Variants in RNF150 observed in about 807,000 individuals in gnomAD.
RNF150 encodes ring finger protein 150.
A neutral mutation model predicts 39.3 loss-of-function variants in RNF150; 24 were observed. That is an observed-to-expected ratio of 0.61 (90% CI 0.44 to 0.86). The LOEUF is 0.86. RNF150 is among the 40% of genes least tolerant of loss of function. The probability of loss-of-function intolerance (pLI) is 0.00; values close to 1 mark genes in which losing one functional copy is unlikely to be tolerated. For synonymous variants in RNF150, 255 were observed against 227.3 expected (o/e 1.12, Z -1.10); for missense variants, 502 against 587.8 (o/e 0.85, Z 1.51).
At chr4:140,920,397 C>G (rs1163446493) in intron 5 of RNF150, among the ~76,000 whole-genome samples, 1 of 147,514 alleles carries the variant, frequency 6.8e-6, no homozygotes, top group Non-Finnish European at 1.5e-5. Context: ...AGACACTTCT[C>G]AAAAGAGACA....
At chr4:140,989,987 T>TAA (rs57002537) in intron 1 of RNF150, among the ~76,000 whole-genome samples, 2 of 148,568 alleles carry the variant, frequency 1.3e-5, no homozygotes, top group African/African-American at 4.9e-5. Flanking sequence ...TAACCAAAAT[T>TAA]AAAAAAAAAA....
chr4:140,984,253 G>C (rs1373557129), intron 1 of RNF150, among the ~76,000 whole-genome samples: 1 of 152,074 alleles, frequency 6.6e-6, no homozygotes, highest in Non-Finnish European at 1.5e-5. Context: ...ATAAAAAATG[G>C]GCCTCTTAAG....
chr4:141,114,224 G>A (rs370154530), intron 1 of RNF150, among the ~76,000 whole-genome samples: 1 of 152,030 alleles, frequency 6.6e-6, no homozygotes, highest in Non-Finnish European at 1.5e-5. Flanking sequence ...TCCAGGAGCT[G>A]GTTTTTTGAA....
Position 141,092,676 on chromosome 4 carries a change from T to C in RNF150, c.484+39649A>G, listed in dbSNP as rs550176140. Among the ~76,000 whole-genome samples, 267 of 152,160 alleles carry C rather than the reference T, an allele frequency of 1.8e-3. 1 individual carries two copies. The highest frequency in any genetic ancestry group is 3.0e-3 in the Non-Finnish European group (205 of 68,018). On this transcript the variant is annotated intron_variant, in intron 1 of 6. Transcript: ENST00000515673. Reference sequence around the variant, plus strand: ...AGGATATAAAGTGAGTAAATGGTAATGCAGAGTCTTCTAATTCCAAATCCC... The same window carrying C: ...AGGATATAAAGTGAGTAAATGGTAACGCAGAGTCTTCTAATTCCAAATCCC...
chr4:140,882,900 G>T (rs557355593), intron 6 of RNF150, among the ~76,000 whole-genome samples: 3 of 152,234 alleles, frequency 2.0e-5, no homozygotes, highest in Non-Finnish European at 4.4e-5. Context: ...CACAGTTAAA[G>T]TAATTACTGA....
In RNF150 at chr4:140,866,380, G is replaced by A. The variant is rs976774612; in HGVS notation, c.*1881C>T. On this transcript the variant is annotated 3_prime_UTR_variant, in exon 7 of 7. Transcript: ENST00000515673. The stretch of plus-strand genomic sequence containing the variant: ...TGAAGAAGCCGAGGCTTAGTAAAGC[G>A]TGTGGTTCATCTAGGATTCTCGATT... 2 of 152,158 alleles carry A rather than the reference G, an allele frequency of 1.3e-5. No homozygotes were observed. Among genetic ancestry groups the A allele is most frequent in the Admixed American group, 6.5e-5 (1 of 15,272 alleles). The allele number at this position is 152,158 out of a possible 1,614,324, so 9.4% of individuals were successfully genotyped here. A position where few individuals can be genotyped will look rare whatever the true frequency, so the allele number is the denominator to read the frequency against.
At chr4:141,028,402 G>A (rs754722502) in intron 1 of RNF150, among the ~76,000 whole-genome samples, 1 of 152,098 alleles carries the variant, frequency 6.6e-6, no homozygotes, top group Non-Finnish European at 1.5e-5. Context: ...TTTAACTAGA[G>A]TGCCTACTTT....
At chr4:141,006,452 T>G in intron 1 of RNF150, among the ~76,000 whole-genome samples, 1 of 152,144 alleles carries the variant, frequency 6.6e-6, no homozygotes, top group South Asian at 2.1e-4. Flanking sequence ...AAGTGACATC[T>G]GGCAACAAGG....
chr4:140,909,655 C>T (rs1024896397), intron 6 of RNF150, among the ~76,000 whole-genome samples: 1 of 151,854 alleles, frequency 6.6e-6, no homozygotes, highest in East Asian at 1.9e-4. Context: ...TTTAGTGTAG[C>T]CATAGAAAAA....
intron 1 of RNF150, among the ~76,000 whole-genome samples, chr4:141,067,431 G>C (rs1737504849): frequency 1.3e-5 from 2 of 152,082 alleles, no homozygotes; most frequent in African/African-American, 4.8e-5. Flanking sequence ...GAGTTGCCAG[G>C]GTATTCCTTG....
At chr4:140,989,329 C>T (rs1322285269) in intron 1 of RNF150, among the ~76,000 whole-genome samples, 6 of 151,966 alleles carry the variant, frequency 3.9e-5, no homozygotes, top group Admixed American at 6.6e-5. Context: ...AAAAAAGTAC[C>T]GATGTTAAGC....
rs548433418 is a variant in RNF150, at chr4:141,143,918, A to G, written c.-6+68876T>C. On this transcript the variant is annotated intron_variant, in intron 1 of 7. Transcript: ENST00000420921. ...CCTCCCTAGAATAAATCTCCTTTCA[A>G]CTATTATATTTCACTCCTCTTATTT... 3.6e-4 allele frequency among the ~76,000 whole-genome samples: 55 copies of G among 152,204 alleles called. 1 individual carries two copies. The highest frequency in any genetic ancestry group is 1.3e-3 in the African/African-American group (52 of 41,516).
At chr4:141,100,230 A>G (rs2111033830) in intron 1 of RNF150, among the ~76,000 whole-genome samples, 1 of 152,318 alleles carries the variant, frequency 6.6e-6, no homozygotes, top group African/African-American at 2.4e-5. Context: ...TAGTCCTTAT[A>G]TATTTAATCA....
intron 1 of RNF150, among the ~76,000 whole-genome samples, chr4:141,101,384 A>T (rs528718572): frequency 1.3e-5 from 2 of 152,252 alleles, no homozygotes; most frequent in South Asian, 4.2e-4. Context: ...CAGGGTCAGG[A>T]TAGTCAATAT....
At chr4:140,947,120 G>A (rs1732346763) in intron 4 of RNF150, among the ~76,000 whole-genome samples, 1 of 151,590 alleles carries the variant, frequency 6.6e-6, no homozygotes, top group Admixed American at 6.6e-5. Context: ...TCCTCCCCTA[G>A]ATGCAAGAAT....
chr4:140,922,505 A>G (rs995572676), intron 5 of RNF150, among the ~76,000 whole-genome samples: 7 of 152,132 alleles, frequency 4.6e-5, no homozygotes, highest in African/African-American at 1.7e-4. Context: ...CCATGCTCAT[A>G]GATAGGAAGA....
chr4:141,154,902 G>C (rs1725573104), intron 1 of RNF150, among the ~76,000 whole-genome samples: 1 of 152,130 alleles, frequency 6.6e-6, no homozygotes. Flanking sequence ...CTTCATGCCT[G>C]ACTCATAATG....
chr4:140,956,714 T>C (rs975188974), intron 2 of RNF150, among the ~76,000 whole-genome samples: 3 of 151,966 alleles, frequency 2.0e-5, no homozygotes, highest in Admixed American at 6.6e-5. Context: ...GAGATATAGA[T>C]CAATGGAACA....
Position 141,140,530 on chromosome 4 carries a change from A to AT in RNF150, c.-6+72263dup, listed in dbSNP as rs904518019. 5.4e-4 allele frequency among the ~76,000 whole-genome samples: 81 copies of AT among 151,200 alleles called. 1 individual carries two copies. The highest frequency in any genetic ancestry group is 1.5e-3 in the African/African-American group (60 of 41,250). On this transcript the variant is annotated intron_variant, in intron 1 of 7. Transcript: ENST00000420921. ...TTCTTATTTTTTCACATAGTTGTTCATTTTTTTTTGTTCTAAATCATTACT... is the reference window on the plus strand; with the variant it reads ...TTCTTATTTTTTCACATAGTTGTTCATTTTTTTTTTGTTCTAAATCATTACT...
Sources: gnomAD v4.1 joint callset for allele counts (sites outside exome capture counted in the v4.1 genomes callset) on GRCh38, gnomAD v4.1.1 for gene constraint, MANE v1.5 for transcripts, NCBI Gene and HGNC (gene_info 2026-07-23, HGNC 2026-07-21) for gene names.